LRRC1: variants seen among roughly 807,000 people sequenced by gnomAD.
The protein encoded by LRRC1 is leucine rich repeat containing 1.
LRRC1 carries 28 observed loss-of-function variants against 69.9 expected under a neutral mutation model. The observed-to-expected ratio is 0.40, with a 90% confidence interval of 0.30 to 0.55. The LOEUF is 0.55. Ranked by LOEUF, LRRC1 falls within the 20% of genes least tolerant of loss-of-function variation. The pLI, the probability that LRRC1 is intolerant of heterozygous loss-of-function variation, is 0.47. For synonymous variants in LRRC1, 236 were observed against 240.2 expected (o/e 0.98, Z 0.16); for missense variants, 498 against 609.0 (o/e 0.82, Z 1.92).
At chr6:53,841,159 C>A (rs1765776059) in intron 1 of LRRC1, among the ~76,000 whole-genome samples, 1 of 152,128 alleles carries the variant, frequency 6.6e-6, no homozygotes, top group Non-Finnish European at 1.5e-5. Context: ...GTTATGTTAC[C>A]CCCTGCCCTC....
chr6:53,922,609 A>ACACTCAC, intron 13 of LRRC1, 26 bp from the exon 14 acceptor site: 1 of 1,585,334 alleles, frequency 6.3e-7, no homozygotes, highest in Non-Finnish European at 8.6e-7. Context: ...TAAAACCAAA[A>ACACTCAC]CACTCACTCC....
intron 1 of LRRC1, among the ~76,000 whole-genome samples, chr6:53,799,555 G>A (rs1349088926): frequency 6.6e-6 from 1 of 152,172 alleles, no homozygotes; most frequent in African/African-American, 2.4e-5. Flanking sequence ...TGTCTTGCCA[G>A]TTTTTGTTTT....
At chr6:53,880,110 C>G (rs1167479837) in intron 3 of LRRC1, among the ~76,000 whole-genome samples, 2 of 152,132 alleles carry the variant, frequency 1.3e-5, no homozygotes, top group African/African-American at 4.8e-5. Context: ...TTCAAAATTT[C>G]TTGGGACTTC....
At position 53,923,076 on chromosome 6, in the gene LRRC1, G is replaced by A; in HGVS notation, c.*283G>A. 3.9e-6 allele frequency: 1 copy of A among 258,744 alleles called. No homozygotes were observed. Among genetic ancestry groups the A allele is most frequent in the Non-Finnish European group, 7.3e-6 (1 of 137,846 alleles). The allele number at this position is 258,744 out of a possible 1,614,324, so 16.0% of individuals were successfully genotyped here. ...CATACGACCTTTGTTTTTGTCTTAT[G>A]TTGGGGTAAAGGAAAGCAGGAAGGG... On this transcript the variant is annotated 3_prime_UTR_variant, in exon 14 of 14. Coordinates refer to ENST00000370888, the MANE Select transcript of LRRC1 (RefSeq NM_018214.5).
At chr6:53,828,022 G>T (rs892472705) in intron 1 of LRRC1, among the ~76,000 whole-genome samples, 4 of 152,140 alleles carry the variant, frequency 2.6e-5, no homozygotes, top group Non-Finnish European at 1.5e-5. Flanking sequence ...GGGCTGAGCA[G>T]ACTTTTATAG....
At chr6:53,893,619 T>C (rs552375540) in intron 4 of LRRC1, among the ~76,000 whole-genome samples, 1 of 152,148 alleles carries the variant, frequency 6.6e-6, no homozygotes, top group African/African-American at 2.4e-5. Context: ...TTAAGTATAT[T>C]GCAGATACTC....
At chr6:53,808,169 A>C (rs930206940) in intron 1 of LRRC1, among the ~76,000 whole-genome samples, 8 of 152,170 alleles carry the variant, frequency 5.3e-5, no homozygotes, top group African/African-American at 1.9e-4. Context: ...GGAGACTGGG[A>C]GAGGGGGCTT....
At chr6:53,900,036 T>TTTTTG (rs1768004675) in intron 8 of LRRC1, 145 bp downstream of exon 8, 1 of 654,100 alleles carries the variant, frequency 1.5e-6, no homozygotes, top group African/African-American at 2.3e-5. Context: ...TTTTTTTTTT[T>TTTTTG]TTTTTTTTTT....
At chr6:53,822,754 G>A (rs1765151056) in intron 1 of LRRC1, among the ~76,000 whole-genome samples, 1 of 152,144 alleles carries the variant, frequency 6.6e-6, no homozygotes, top group Non-Finnish European at 1.5e-5. Flanking sequence ...CTTGGTCCTG[G>A]TGGAATATGC....
rs534528189 is a variant in LRRC1 at position 53,886,624 on chromosome 6, T to A, written c.446+3648T>A. 4.6e-5 allele frequency among the ~76,000 whole-genome samples: 7 copies of A among 152,344 alleles called. No homozygotes were observed. In the South Asian group the frequency reaches 1.4e-3, roughly 32 times the overall value. Reference sequence around the variant, plus strand: ...TTGTTAATTTTTATTTTACAGTAATTTGTATTCATTCATTCATTTTCCATC... The same window carrying A: ...TTGTTAATTTTTATTTTACAGTAATATGTATTCATTCATTCATTTTCCATC... On this transcript the variant is annotated intron_variant, in intron 4 of 13. Transcript: ENST00000370888.
intron 1 of LRRC1, among the ~76,000 whole-genome samples, chr6:53,806,346 A>G (rs1185125737): frequency 6.6e-6 from 1 of 152,176 alleles, no homozygotes; most frequent in Non-Finnish European, 1.5e-5. Flanking sequence ...GAGTGGATTT[A>G]GTAATGGCTT....
At chr6:53,865,773 G>C (rs149434481) in intron 2 of LRRC1, among the ~76,000 whole-genome samples, 1 of 151,422 alleles carries the variant, frequency 6.6e-6, no homozygotes, top group Non-Finnish European at 1.5e-5. Flanking sequence ...CCAGGCTGGA[G>C]TACAGTGGTG....
intron 2 of LRRC1, among the ~76,000 whole-genome samples, chr6:53,859,861 G>A (rs952330718): frequency 1.3e-5 from 2 of 152,188 alleles, no homozygotes; most frequent in East Asian, 1.9e-4. Context: ...ATCTTAGAGC[G>A]AGGGAACACT....
intron 1 of LRRC1, among the ~76,000 whole-genome samples, chr6:53,837,108 T>C (rs1765634226): frequency 2.0e-5 from 3 of 152,194 alleles, no homozygotes; most frequent in African/African-American, 7.2e-5. Flanking sequence ...AATACCTCTA[T>C]CAGATCCACT....
chr6:53,920,469 G>A, intron 12 of LRRC1, 156 bp from the exon 13 acceptor site: 1 of 668,318 alleles, frequency 1.5e-6, no homozygotes, highest in Non-Finnish European at 2.4e-6. Context: ...GTGTGTTTGT[G>A]TTTTAAAGCC....
chr6:53,877,285 G>A (rs1238737074), intron 2 of LRRC1, among the ~76,000 whole-genome samples: 1 of 152,094 alleles, frequency 6.6e-6, no homozygotes, highest in East Asian at 1.9e-4. Flanking sequence ...CCTGGACCGG[G>A]CCCAGGAAAC....
At chr6:53,809,914 G>A (rs926062281) in intron 1 of LRRC1, among the ~76,000 whole-genome samples, 1 of 152,250 alleles carries the variant, frequency 6.6e-6, no homozygotes, top group East Asian at 1.9e-4. Context: ...TGACTTCCCC[G>A]TGACTTGGTC....
chr6:53,836,164 A>G (rs1765607604), intron 1 of LRRC1, among the ~76,000 whole-genome samples: 1 of 152,218 alleles, frequency 6.6e-6, no homozygotes, highest in Admixed American at 6.5e-5. Flanking sequence ...ACTAACTGCT[A>G]GACATAGCAG....
At chr6:53,810,994 A>G (rs750620307) in intron 1 of LRRC1, among the ~76,000 whole-genome samples, 6 of 152,162 alleles carry the variant, frequency 3.9e-5, no homozygotes, top group Non-Finnish European at 5.9e-5. Context: ...TTTTCTATCA[A>G]CTTATCATCA....
Sources: allele counts gnomAD v4.1 joint callset (sites outside exome capture counted in the v4.1 genomes callset), GRCh38; gene constraint gnomAD v4.1.1; transcripts MANE v1.5; gene names NCBI Gene and HGNC (gene_info 2026-07-23, HGNC 2026-07-21).